Variants in RAB21 observed in about 807,000 individuals in gnomAD.
RAB21 encodes RAB21, member RAS oncogene family.
Under a neutral mutation model 33.1 loss-of-function variants are expected in RAB21, and 13 were observed. That is an observed-to-expected ratio of 0.39 (90% CI 0.26 to 0.62). The LOEUF is 0.62. RAB21 is among the 20% of genes least tolerant of loss of function. RAB21 has a pLI of 0.48. For synonymous variants in RAB21, 91 were observed against 103.7 expected, an observed-to-expected ratio of 0.88 and a Z score of 0.74; for missense variants, 234 against 279.1, an observed-to-expected ratio of 0.84 and a Z score of 1.15.
Position 71,785,430 on chromosome 12 carries a change from T to C in RAB21, c.536-101T>C, listed in dbSNP as rs190006893. 4.7e-3 allele frequency: 6,345 copies of C among 1,353,564 alleles called. 30 individuals are homozygous for C. The highest frequency in any genetic ancestry group is 7.0e-3 in the Middle Eastern group (35 of 4,992). The allele number at this position is 1,353,564 out of a possible 1,614,324, so 83.8% of individuals were successfully genotyped here. On this transcript the variant is annotated intron_variant, in intron 6 of 6. Transcript: ENST00000261263. ...TCATTATATTTAGTTTCTTTGTTGG[T>C]CGAAAGTCAGAAATAGCTATCATAG... is the stretch of plus-strand genomic sequence containing the variant.
Position 71,773,972 on chromosome 12 carries a change from T to C in RAB21, c.341T>C (p.Val114Ala). Residue 114 changes from valine (V) to alanine (A), a missense_variant, in exon 4 of 7, where the codon GTC becomes GCC. Transcript: ENST00000261263. The part of the protein sequence containing the change: ...EDSFQKVKNW[V>A]KELRKMLGNE... ...TTGTATATACAGGTAAAAAACTGGG[T>C]CAAAGAATTACGGAAAATGTTGGGA... 6.3e-7 allele frequency: 1 copy of C among 1,593,044 alleles called. No homozygotes were observed. Among genetic ancestry groups the C allele is most frequent in the Non-Finnish European group, 8.6e-7 (1 of 1,169,270 alleles).
At position 71,785,755 on chromosome 12, in the gene RAB21, A is replaced by G. The variant is rs1191107284; in HGVS notation, c.*82A>G. On this transcript the variant is annotated 3_prime_UTR_variant, in exon 7 of 7. Transcript: ENST00000261263. ...CATGAAGACTGCCATATTCCAAGTC[A>G]CATTATTTTACCAATGGAATTATAG... The G allele has an allele frequency of 1.1e-5, 16 of 1,472,506 alleles. No individual in the cohort carries two copies. Among genetic ancestry groups the G allele is most frequent in the Non-Finnish European group, 1.5e-5 (16 of 1,064,226 alleles). 91.2% of individuals were successfully genotyped at this position (1,472,506 alleles called of 1,614,324 possible).
rs527963804 is a variant in RAB21 at position 71,791,295 on chromosome 12, A to G, written c.*5622A>G. 2 of 152,342 alleles carry G rather than the reference A, an allele frequency of 1.3e-5. No individual in the cohort carries two copies. Among genetic ancestry groups the G allele is most frequent in the Non-Finnish European group, 2.9e-5 (2 of 68,068 alleles). The allele number at this position is 152,342 out of a possible 1,614,324, so 9.4% of individuals were successfully genotyped here. A position where few individuals can be genotyped will look rare whatever the true frequency, so the allele number is the denominator to read the frequency against. ...ATGTGAGCCACTAGGCCCAGTCAGT[A>G]TCATAGAATTTAAATGCAAGCCAAT... On this transcript the variant is annotated 3_prime_UTR_variant, in exon 7 of 7. Transcript: ENST00000261263.
At chr12:71,782,195 G>A in intron 5 of RAB21, 110 bp downstream of exon 5, 1 of 1,040,982 alleles carries the variant, frequency 9.6e-7, no homozygotes, top group South Asian at 1.6e-5. Flanking sequence ...CATGGATTGA[G>A]GTGTTGGATT....
intron 1 of RAB21, among the ~76,000 whole-genome samples, chr12:71,760,470 T>C (rs1390895798): frequency 6.6e-6 from 1 of 152,258 alleles, no homozygotes; most frequent in Non-Finnish European, 1.5e-5. Flanking sequence ...AGGGAGTTAC[T>C]ACTGTTTCTC....
intron 4 of RAB21, among the ~76,000 whole-genome samples, chr12:71,774,801 T>C (rs1158129344): frequency 6.6e-6 from 1 of 151,882 alleles, no homozygotes; most frequent in African/African-American, 2.4e-5. Flanking sequence ...GAAGTGATTT[T>C]CCAGGAGATT....
rs1366238301 is a variant in RAB21, at chr12:71,795,133, T to C, written c.*9460T>C. The C allele has an allele frequency of 6.6e-6, 1 of 152,182 alleles. No individual in the cohort carries two copies. Among genetic ancestry groups the C allele is most frequent in the Non-Finnish European group, 1.5e-5 (1 of 68,032 alleles). The allele number at this position is 152,182 out of a possible 1,614,324, so 9.4% of individuals were successfully genotyped here. ...CACTAGTCTGGCAAGTGACTTTTATTTGTCCTTTTCTATTGATAATGAATT... is the reference window on the plus strand; with the variant it reads ...CACTAGTCTGGCAAGTGACTTTTATCTGTCCTTTTCTATTGATAATGAATT... On this transcript the variant is annotated 3_prime_UTR_variant, in exon 7 of 7. Transcript: ENST00000261263.
At chr12:71,778,815 A>G (rs1223272562) in intron 4 of RAB21, among the ~76,000 whole-genome samples, 1 of 152,184 alleles carries the variant, frequency 6.6e-6, no homozygotes, top group Non-Finnish European at 1.5e-5. Context: ...TGGATAAACT[A>G]AGTTAGCTAG....
intron 1 of RAB21, among the ~76,000 whole-genome samples, chr12:71,769,301 G>C (rs1011914889): frequency 1.3e-5 from 2 of 152,112 alleles, no homozygotes; most frequent in African/African-American, 4.8e-5. Context: ...GAGTATAAAG[G>C]GTAGAACCGT....
rs376808416 is a variant in RAB21, at chr12:71,785,588, C to T, written c.593C>T (p.Pro198Leu). The change falls in exon 7 of 7, where the codon CCG (proline) becomes CTG (leucine). Residue 198 changes from proline (P) to leucine (L), a missense_variant. Pro to Leu is a moderately conservative substitution (Grantham distance 98, BLOSUM62 -3). Coordinates refer to ENST00000261263, the MANE Select transcript of RAB21 (RefSeq NM_014999.4). ...ERAKGNGSSQ[P>L]GTARRGVQII... The stretch of plus-strand genomic sequence containing the variant: ...GCAAAAGGCAATGGCTCTAGTCAGC[C>T]GGGAACTGCAAGGCGAGGTGTACAG... 2.9e-5 allele frequency: 47 copies of T among 1,614,112 alleles called. 1 individual carries two copies. The highest frequency in any genetic ancestry group is 1.3e-4 in the East Asian group (6 of 44,874).
Position 71,774,391 on chromosome 12 carries a change from G to A in RAB21, c.391+369G>A, listed in dbSNP as rs553201674. ...TGAAGTGGGAGAATCACTTGAATCC[G>A]GGAGGCAGAGGGTGCAGTGAGCCAA... On this transcript the variant is annotated intron_variant, in intron 4 of 6. Transcript: ENST00000261263. The A allele has an allele frequency of 7.0e-5, 11 of 157,288 alleles. No homozygotes were observed. In the South Asian group the frequency reaches 1.5e-3, roughly 22 times the overall value. The allele number at this position is 157,288 out of a possible 1,614,324, so 9.7% of individuals were successfully genotyped here.
At chr12:71,758,101 C>G (rs566206466) in intron 1 of RAB21, among the ~76,000 whole-genome samples, 18 of 151,666 alleles carry the variant, frequency 1.2e-4, no homozygotes, top group Non-Finnish European at 2.4e-4. Flanking sequence ...GGTGCGATCT[C>G]GGCTCATTGC....
At position 71,755,006 on chromosome 12, in the gene RAB21, G is replaced by A; in HGVS notation, c.-124G>A. ...AGGCCTCGCCCGAGGAGGGCGTGGG[G>A]ACAGCGCCCGGGTCGGCGGGGCCGG... On this transcript the variant is annotated 5_prime_UTR_variant, in exon 1 of 7. Transcript: ENST00000261263. The A allele has an allele frequency of 3.2e-6, 3 of 924,662 alleles. No individual in the cohort carries two copies. The highest frequency in any genetic ancestry group is 2.6e-6 in the Non-Finnish European group (2 of 770,576). The allele number at this position is 924,662 out of a possible 1,614,324, so 57.3% of individuals were successfully genotyped here.
At chr12:71,767,787 G>A (rs891764848) in intron 1 of RAB21, among the ~76,000 whole-genome samples, 2 of 152,130 alleles carry the variant, frequency 1.3e-5, no homozygotes, top group South Asian at 2.1e-4. Context: ...GGAGAAGATC[G>A]GTTCAGTCTT....
intron 1 of RAB21, among the ~76,000 whole-genome samples, chr12:71,758,055 T>C (rs1303865539): frequency 2.0e-5 from 3 of 151,840 alleles, no homozygotes; most frequent in South Asian, 2.1e-4. Flanking sequence ...CTTTTTGAGA[T>C]GGAGTCTCAC....
chr12:71,756,685 A>G (rs1882790256), intron 1 of RAB21, among the ~76,000 whole-genome samples: 4 of 152,234 alleles, frequency 2.6e-5, no homozygotes, highest in African/African-American at 9.6e-5. Flanking sequence ...GTTCAGTGTC[A>G]TTAGTGAGAG....
rs1237928151 is a variant in RAB21 at position 71,794,353 on chromosome 12, TG to T, written c.*8682del. On this transcript the variant is annotated 3_prime_UTR_variant, in exon 7 of 7. Coordinates refer to ENST00000261263, the MANE Select transcript of RAB21 (RefSeq NM_014999.4). ...GAGTTCGAGACCAGCCTGGCCAACA[TG>T]GTGAAACCCTGTCTCTACTAAAAAC... 1.4e-5 allele frequency: 2 copies of T among 141,606 alleles called. No individual in the cohort carries two copies. Among genetic ancestry groups the T allele is most frequent in the Non-Finnish European group, 3.0e-5 (2 of 66,032 alleles). 8.8% of individuals were successfully genotyped at this position (141,606 alleles called of 1,614,324 possible).
At chr12:71,767,593 A>T (rs1374307527) in intron 1 of RAB21, among the ~76,000 whole-genome samples, 3 of 152,062 alleles carry the variant, frequency 2.0e-5, no homozygotes, top group Admixed American at 6.6e-5. Context: ...AGAGGTATTT[A>T]TGTTACGATA....
intron 1 of RAB21, among the ~76,000 whole-genome samples, chr12:71,756,165 G>A (rs576924496): frequency 1.3e-5 from 2 of 152,268 alleles, no homozygotes; most frequent in African/African-American, 2.4e-5. Flanking sequence ...GTAAAGTCTA[G>A]TGGACTTTTG....
Sources: gnomAD v4.1 joint callset for allele counts (sites outside exome capture counted in the v4.1 genomes callset) on GRCh38, gnomAD v4.1.1 for gene constraint, MANE v1.5 for transcripts, NCBI Gene and HGNC (gene_info 2026-07-23, HGNC 2026-07-21) for gene names.